RALGAPA2: variants seen among roughly 807,000 people sequenced by gnomAD.
The protein encoded by RALGAPA2 is ral GTPase-activating protein subunit alpha-2.
RALGAPA2 carries 139 observed loss-of-function variants against 230.4 expected under a neutral mutation model. The ratio of observed to expected loss-of-function variants is 0.60; its 90% confidence interval spans 0.53 to 0.69. The LOEUF (loss-of-function observed/expected upper bound fraction) is 0.69, where lower values mean the gene tolerates loss of function less well. Ranked by LOEUF, RALGAPA2 falls within the 30% of genes least tolerant of loss-of-function variation. RALGAPA2 has a pLI of 0.00. For missense variants in RALGAPA2, 2,163 were observed against 2,276.0 expected (o/e 0.95, Z 1.01); for synonymous variants, 847 against 837.8 (o/e 1.01, Z -0.19).
At chr20:20,672,153 T>C (rs1346211708) in intron 3 of RALGAPA2, among the ~76,000 whole-genome samples, 2 of 152,146 alleles carry the variant, frequency 1.3e-5, no homozygotes, top group African/African-American at 2.4e-5. Flanking sequence ...AACCCTCAAA[T>C]GGAGCTAAAG....
rs887257517 is a variant in RALGAPA2, at chr20:20,449,682, C to A, written c.5495+23147G>T. 1.7e-4 allele frequency among the ~76,000 whole-genome samples: 26 copies of A among 152,164 alleles called. No individual in the cohort carries two copies. The South Asian group carries it at 5.4e-3, about 32-fold the overall frequency. ...CCCCGGACCTAATTAGCTTGTGATGCACATGAACTTGCATGTCTGCTCCAA... is the reference window on the plus strand; with the variant it reads ...CCCCGGACCTAATTAGCTTGTGATGAACATGAACTTGCATGTCTGCTCCAA... On this transcript the variant is annotated intron_variant, in intron 37 of 39. Transcript: ENST00000202677.
chr20:20,571,743 C>CAG, intron 22 of RALGAPA2, 105 bp downstream of exon 22: 1 of 1,455,952 alleles, frequency 6.9e-7, no homozygotes, highest in Non-Finnish European at 9.4e-7. Context: ...TAGTAAGACC[C>CAG]AGCCTGTCTT....
At chr20:20,579,950 A>G (rs561433123) in intron 20 of RALGAPA2, among the ~76,000 whole-genome samples, 1 of 152,310 alleles carries the variant, frequency 6.6e-6, no homozygotes, top group South Asian at 2.1e-4. Flanking sequence ...TTACAACTTT[A>G]AGTAAATGTC....
At chr20:20,493,078 G>A (rs1179538263) in intron 36 of RALGAPA2, among the ~76,000 whole-genome samples, 1 of 152,188 alleles carries the variant, frequency 6.6e-6, no homozygotes, top group African/African-American at 2.4e-5. Flanking sequence ...AAGGCCAAAT[G>A]TTGCCATGGA....
At chr20:20,495,968 A>G (rs1280639184) in intron 35 of RALGAPA2, among the ~76,000 whole-genome samples, 2 of 152,186 alleles carry the variant, frequency 1.3e-5, no homozygotes, top group Non-Finnish European at 1.5e-5. Context: ...TGTACAAAAA[A>G]GAAATGGGCG....
At chr20:20,642,754 T>C (rs1458633508) in intron 5 of RALGAPA2, among the ~76,000 whole-genome samples, 1 of 152,194 alleles carries the variant, frequency 6.6e-6, no homozygotes, top group African/African-American at 2.4e-5. Context: ...CTTCGTTTTT[T>C]TTCAACATGT....
chr20:20,598,028 T>G (rs1017874988), intron 16 of RALGAPA2, among the ~76,000 whole-genome samples: 16 of 152,202 alleles, frequency 1.1e-4, no homozygotes, highest in African/African-American at 3.9e-4. Context: ...TCTGTTGAAG[T>G]AAGTAGGCCA....
rs760830038 is a variant in RALGAPA2, at chr20:20,513,230, G to T, written c.4139C>A (p.Ala1380Asp). 6.6e-7 allele frequency: 1 copy of T among 1,510,568 alleles called. No individual in the cohort carries two copies. Among genetic ancestry groups the T allele is most frequent in the Non-Finnish European group, 8.8e-7 (1 of 1,131,666 alleles). The allele number at this position is 1,510,568 out of a possible 1,614,324, so 93.6% of individuals were successfully genotyped here. Residue 1380 changes from alanine (A) to aspartate (D), a missense_variant, in exon 32 of 40, where the codon GCC (alanine) becomes GAC (aspartate). Physicochemically the swap from Ala to Asp is moderately radical, Grantham distance 126. Transcript: ENST00000202677. ...LIPLTARMVM[A>D]HLVNHLGHYP... ...GTGCCCCAGGTGGTTCACCAGGTGG[G>T]CCATCACCATTCGAGCAGTCAAAGG...
chr20:20,679,257 C>A (rs1300327874), intron 2 of RALGAPA2, among the ~76,000 whole-genome samples: 1 of 152,130 alleles, frequency 6.6e-6, no homozygotes, highest in East Asian at 1.9e-4. Flanking sequence ...GCGCTAATGG[C>A]ACCTCACAAA....
chr20:20,666,491 C>A (rs1333226362), intron 3 of RALGAPA2, among the ~76,000 whole-genome samples: 2 of 152,142 alleles, frequency 1.3e-5, no homozygotes, highest in African/African-American at 4.8e-5. Flanking sequence ...CGTGAAGTGG[C>A]CCTTACAGGA....
At chr20:20,419,019 C>T (rs1008599246) in intron 37 of RALGAPA2, among the ~76,000 whole-genome samples, 2 of 152,162 alleles carry the variant, frequency 1.3e-5, no homozygotes, top group African/African-American at 4.8e-5. Flanking sequence ...GGATTACAGG[C>T]CTAAGCCACC....
At chr20:20,465,195 A>ACT (rs1304951660) in intron 37 of RALGAPA2, among the ~76,000 whole-genome samples, 11 of 146,250 alleles carry the variant, frequency 7.5e-5, no homozygotes, top group Middle Eastern at 3.5e-3. Flanking sequence ...ACACACACAC[A>ACT]CACTCTCTCA....
intron 31 of RALGAPA2, among the ~76,000 whole-genome samples, 166 bp downstream of exon 31, chr20:20,520,751 G>GA: frequency 6.6e-6 from 1 of 151,878 alleles, no homozygotes; most frequent in Non-Finnish European, 1.5e-5. Flanking sequence ...AAACAGAGGA[G>GA]AAAAAAAGAA....
chr20:20,689,341 C>T (rs2068817422), intron 1 of RALGAPA2, among the ~76,000 whole-genome samples: 1 of 152,170 alleles, frequency 6.6e-6, no homozygotes, highest in Non-Finnish European at 1.5e-5. Flanking sequence ...ACCAAAATCA[C>T]ACTTTCTAAA....
At chr20:20,519,113 C>T (rs1021137025) in intron 31 of RALGAPA2, among the ~76,000 whole-genome samples, 9 of 152,192 alleles carry the variant, frequency 5.9e-5, no homozygotes, top group Non-Finnish European at 7.3e-5. Flanking sequence ...GTCTACTCCA[C>T]GTCAAAACTT....
rs373041173 is a variant in RALGAPA2 at position 20,597,354 on chromosome 20, G to A, written c.2203+4328C>T. Reference sequence around the variant, plus strand: ...AATTGACTAGTGACCATTTTCCCATGTACCATTCTTACTGTTTTTCACCTT... The same window carrying A: ...AATTGACTAGTGACCATTTTCCCATATACCATTCTTACTGTTTTTCACCTT... On this transcript the variant is annotated intron_variant, in intron 16 of 39. Transcript: ENST00000202677. 2.3e-4 allele frequency among the ~76,000 whole-genome samples: 35 copies of A among 152,236 alleles called. No homozygotes were observed. In the East Asian group the frequency reaches 3.3e-3, roughly 14 times the overall value.
intron 23 of RALGAPA2, among the ~76,000 whole-genome samples, chr20:20,564,901 T>C (rs1331092246): frequency 6.6e-6 from 1 of 152,248 alleles, no homozygotes. Context: ...ATTAGTCCTA[T>C]TTTTACTTGT....
chr20:20,674,719 G>T (rs1164364048), intron 3 of RALGAPA2, among the ~76,000 whole-genome samples: 1 of 152,100 alleles, frequency 6.6e-6, no homozygotes, highest in East Asian at 1.9e-4. Context: ...TAATGTTGAG[G>T]GTAAAAAGCA....
chr20:20,569,865 T>C (rs2064567598), intron 23 of RALGAPA2, among the ~76,000 whole-genome samples: 1 of 152,176 alleles, frequency 6.6e-6, no homozygotes, highest in Non-Finnish European at 1.5e-5. Context: ...TATTTCCAAG[T>C]AAATTTTTTT....
Sources: gnomAD v4.1 joint callset for allele counts (sites outside exome capture counted in the v4.1 genomes callset) on GRCh38, gnomAD v4.1.1 for gene constraint, MANE v1.5 for transcripts, NCBI Gene and HGNC (gene_info 2026-07-23, HGNC 2026-07-21) for gene names.